CFAP97: variants seen among roughly 807,000 people sequenced by gnomAD.
The protein encoded by CFAP97 is cilia and flagella associated protein 97.
In CFAP97, 36 loss-of-function variants were observed where a neutral mutation model predicts 43.1. The ratio of observed to expected loss-of-function variants is 0.84; its 90% CI spans 0.64 to 1.10. The LOEUF (loss-of-function observed/expected upper bound fraction) is 1.10. Among genes scored for constraint, CFAP97 ranks in the 50% least tolerant of loss-of-function variants. The pLI is 0.00. For synonymous variants in CFAP97, 228 were observed against 225.7 expected (o/e 1.01, Z -0.09); for missense variants, 657 against 620.3 (o/e 1.06, Z -0.63).
intron 1 of CFAP97, among the ~76,000 whole-genome samples, chr4:185,198,453 A>AAAAGG (rs1553975361): frequency 6.8e-6 from 1 of 147,380 alleles, no homozygotes; most frequent in Non-Finnish European, 1.5e-5. Context: ...AAAAAAAAAA[A>AAAAGG]AAAGAAAGAA....
intron 1 of CFAP97, among the ~76,000 whole-genome samples, chr4:185,194,521 G>A (rs893387909): frequency 8.5e-5 from 13 of 152,068 alleles, no homozygotes; most frequent in Non-Finnish European, 1.8e-4. Flanking sequence ...ATCCTTGGTT[G>A]ATAGATTTAT....
In CFAP97 at chr4:185,162,681, G is replaced by T; in HGVS notation, c.*117C>A. On this transcript the variant is annotated 3_prime_UTR_variant, in exon 5 of 5. Coordinates refer to ENST00000458385, the MANE Select transcript of CFAP97 (RefSeq NM_020827.3). ...GAATAACAATACATTACAACTCACT[G>T]TTGTACACCTTCAATTGCTAAAACG... The T allele has an allele frequency of 9.0e-7, 1 of 1,115,096 alleles. No homozygotes were observed. Among genetic ancestry groups the T allele is most frequent in the Non-Finnish European group, 1.3e-6 (1 of 769,896 alleles). The allele number at this position is 1,115,096 out of a possible 1,614,324, so 69.1% of individuals were successfully genotyped here. A position where few individuals can be genotyped will look rare whatever the true frequency, so the allele number is the denominator to read the frequency against.
intron 2 of CFAP97, among the ~76,000 whole-genome samples, chr4:185,189,935 T>C (rs539184770): frequency 7.6e-4 from 116 of 152,340 alleles, no homozygotes; most frequent in Non-Finnish European, 1.3e-3. Context: ...ATTTGTATTA[T>C]ACAAACACAA....
chr4:185,206,681 AAG>A (rs1491113108), upstream of CFAP97, among the ~76,000 whole-genome samples: 206 of 151,296 alleles, frequency 1.4e-3, no homozygotes, highest in African/African-American at 4.9e-3. Flanking sequence ...AAAAAAAAAA[AAG>A]AATGGAAGAT....
intron 2 of CFAP97, among the ~76,000 whole-genome samples, chr4:185,176,464 T>C (rs966571899): frequency 2.0e-5 from 3 of 152,080 alleles, no homozygotes; most frequent in Non-Finnish European, 4.4e-5. Context: ...CAAGAAAAAG[T>C]ATGTATGAAA....
chr4:185,163,913 T>A (rs561283948), intron 4 of CFAP97, 116 bp downstream of exon 4: 3 of 895,186 alleles, frequency 3.4e-6, no homozygotes, highest in Non-Finnish European at 5.1e-6. Context: ...CAGTGGGAAA[T>A]AACAGAACGC....
chr4:185,165,873 AAAG>A (rs1735048784), intron 3 of CFAP97, among the ~76,000 whole-genome samples: 2 of 152,162 alleles, frequency 1.3e-5, no homozygotes, highest in South Asian at 4.1e-4. Context: ...GAGCAATTCC[AAAG>A]AAGGAACAGA....
upstream of CFAP97, chr4:185,207,691 TTC>T (rs1321843444): frequency 2.0e-5 from 3 of 152,132 alleles, no homozygotes; most frequent in Admixed American, 6.5e-5. Flanking sequence ...TAAATCCTAG[TTC>T]TGTTATTGAT....
intron 3 of CFAP97, chr4:185,169,994 A>G: frequency 9.1e-7 from 1 of 1,093,410 alleles, no homozygotes; most frequent in Non-Finnish European, 1.1e-6. Flanking sequence ...CTTGCTATAA[A>G]TCATTTTTGT....
At chr4:185,184,530 G>A (rs967998369) in intron 2 of CFAP97, among the ~76,000 whole-genome samples, 4 of 152,158 alleles carry the variant, frequency 2.6e-5, no homozygotes, top group African/African-American at 9.7e-5. Context: ...GTGTCTGAAG[G>A]TGAACACTGA....
rs547144963 is a variant in CFAP97 at position 185,193,376 on chromosome 4, G to A, written c.-16-2164C>T. Among the ~76,000 whole-genome samples, 6 of 152,292 alleles carry A rather than the reference G, an allele frequency of 3.9e-5. No homozygotes were observed. In the East Asian group the frequency reaches 5.8e-4, roughly 15 times the overall value. On this transcript the variant is annotated intron_variant, in intron 1 of 4. Transcript: ENST00000458385. ...AATAAAACAGCAAAAGGCCAGGCAC[G>A]GTGGCTCATGCTGTAATCCCAGCAC...
At chr4:185,175,726 T>C in intron 3 of CFAP97, 60 bp downstream of exon 3, 1 of 1,506,290 alleles carries the variant, frequency 6.6e-7, no homozygotes. Flanking sequence ...TCCTGTAAGC[T>C]GGACATACAA....
In CFAP97 at chr4:185,190,749, T is replaced by G. The variant is rs768481964; in HGVS notation, c.448A>C (p.Lys150Gln). The change falls in exon 2 of 5, where the codon AAG becomes CAG. Residue 150 changes from lysine to glutamine, a missense_variant. Coordinates refer to ENST00000458385, the MANE Select transcript of CFAP97 (RefSeq NM_020827.3). ...DDGKKYHVKSKSAKPSTNVKK... is the reference protein window; with the variant it reads ...DDGKKYHVKSQSAKPSTNVKK... The stretch of plus-strand genomic sequence containing the variant: ...ACGTTAGTAGATGGTTTAGCGGACT[T>G]GGACTTCACATGGTATTTCTTCCCA... 3.1e-6 allele frequency: 5 copies of G among 1,591,794 alleles called. No individual in the cohort carries two copies. The highest frequency in any genetic ancestry group is 3.4e-6 in the Non-Finnish European group (4 of 1,167,638).
At chr4:185,188,280 A>G (rs1227841712) in intron 2 of CFAP97, among the ~76,000 whole-genome samples, 2 of 151,922 alleles carry the variant, frequency 1.3e-5, no homozygotes, top group Non-Finnish European at 2.9e-5. Flanking sequence ...CTCAGCCTTC[A>G]AAGTAGCTGG....
rs1010979424 is a variant in CFAP97, at chr4:185,209,447, C to T, written c.-196G>A. Reference sequence around the variant, plus strand: ...GGTGTGCACCGCGCTGGGTCGCGCCCTCTCCCCGTGGGGCCCCGGCCCGGA... The same window carrying T: ...GGTGTGCACCGCGCTGGGTCGCGCCTTCTCCCCGTGGGGCCCCGGCCCGGA... On this transcript the variant is annotated 5_prime_UTR_variant, in exon 1 of 3. Coordinates refer to the CFAP97 transcript ENST00000503223. The surrounding 1 kb of genome is among the most constrained non-coding windows in gnomAD (Gnocchi z 5.2). The T allele has an allele frequency of 2.0e-5, 3 of 152,262 alleles. No homozygotes were observed. Among genetic ancestry groups the T allele is most frequent in the Non-Finnish European group, 4.4e-5 (3 of 68,094 alleles). 9.4% of individuals were successfully genotyped at this position (152,262 alleles called of 1,614,324 possible). A position where few individuals can be genotyped will look rare whatever the true frequency, so the allele number is the denominator to read the frequency against.
chr4:185,197,576 T>C (rs1196259159), intron 1 of CFAP97, among the ~76,000 whole-genome samples: 2 of 152,156 alleles, frequency 1.3e-5, no homozygotes, highest in Admixed American at 1.3e-4. Context: ...TACAGGCACG[T>C]GCCACCACAC....
At chr4:185,168,787 G>A (rs573582756) in intron 3 of CFAP97, among the ~76,000 whole-genome samples, 1 of 152,172 alleles carries the variant, frequency 6.6e-6, no homozygotes, top group Admixed American at 6.6e-5. Context: ...GTGGGCAACT[G>A]TAATCCCAGC....
At chr4:185,186,198 C>T (rs550148875) in intron 2 of CFAP97, among the ~76,000 whole-genome samples, 40 of 152,122 alleles carry the variant, frequency 2.6e-4, no homozygotes, top group Non-Finnish European at 2.5e-4. Context: ...TTTGAGAGGC[C>T]GAAGCAGGTG....
rs1736194270 is a variant in CFAP97, at chr4:185,190,544, G to A, written c.653C>T (p.Ser218Leu). ...TCCTGATTTATACTTGTGTTTTGGT[G>A]ACAGGAGGGTTATACCAGATACATG... ...KKHVSGITLL[S>L]PKHKYKSGIK... The change falls in exon 2 of 5, where the codon TCA becomes TTA. Residue 218 changes from serine (S) to leucine (L), a missense_variant. Ser to Leu is a moderately radical substitution (Grantham distance 145). Coordinates refer to ENST00000458385, the MANE Select transcript of CFAP97 (RefSeq NM_020827.3). 6.2e-7 allele frequency: 1 copy of A among 1,613,750 alleles called. No homozygotes were observed. The highest frequency in any genetic ancestry group is 1.1e-5 in the South Asian group (1 of 91,058).
Sources: allele counts gnomAD v4.1 joint callset (sites outside exome capture counted in the v4.1 genomes callset), GRCh38; gene constraint gnomAD v4.1.1; non-coding constraint Gnocchi (gnomAD v3.1); transcripts MANE v1.5; gene names NCBI Gene and HGNC (gene_info 2026-07-23, HGNC 2026-07-21).